PRKAR1B: variants seen among roughly 807,000 people sequenced by gnomAD.
PRKAR1B encodes cAMP-dependent protein kinase type I-beta regulatory subunit.
A neutral mutation model predicts 46.5 loss-of-function variants in PRKAR1B; 22 were observed. That is an observed-to-expected ratio of 0.47 (90% CI 0.34 to 0.68). PRKAR1B has a LOEUF of 0.68. Among genes scored for constraint, PRKAR1B ranks in the 30% least tolerant of loss-of-function variants. PRKAR1B has a pLI of 0.01. For synonymous variants in PRKAR1B, 259 were observed against 217.7 expected (o/e 1.19, Z -1.67); for missense variants, 445 against 535.6 (o/e 0.83, Z 1.67).
chr7:705,013 CG>C, intron 2 of PRKAR1B, among the ~76,000 whole-genome samples: 1 of 151,960 alleles, frequency 6.6e-6, no homozygotes, highest in Non-Finnish European at 1.5e-5. Flanking sequence ...ACTTTAGGGC[CG>C]GGCGCAGTGG....
At chr7:650,800 G>A (rs1196152094) in intron 4 of PRKAR1B, among the ~76,000 whole-genome samples, 1 of 152,056 alleles carries the variant, frequency 6.6e-6, no homozygotes, top group Admixed American at 6.6e-5. Context: ...CCAAGGTCAC[G>A]TGGCCAGCAG....
chr7:574,307 G>A (rs1356905658), intron 9 of PRKAR1B, among the ~76,000 whole-genome samples: 1 of 152,280 alleles, frequency 6.6e-6, no homozygotes, highest in Admixed American at 6.5e-5. Flanking sequence ...GAGCAGGGCA[G>A]GGCAGGGGCT....
intron 8 of PRKAR1B, 24 bp from the exon 9 acceptor site, chr7:579,401 G>C: frequency 6.2e-7 from 1 of 1,611,102 alleles, no homozygotes; most frequent in Non-Finnish European, 8.5e-7. Flanking sequence ...ATGAGGACAG[G>C]TCATCCCGGG....
intron 1 of PRKAR1B, among the ~76,000 whole-genome samples, chr7:711,823 G>C (rs1042765011): frequency 6.6e-6 from 1 of 151,926 alleles, no homozygotes; most frequent in Non-Finnish European, 1.5e-5. Flanking sequence ...CAGTTCTGAG[G>C]ATTCCGGGTG....
chr7:695,716 T>G (rs1041221497), intron 2 of PRKAR1B, among the ~76,000 whole-genome samples: 1 of 151,706 alleles, frequency 6.6e-6, no homozygotes, highest in Non-Finnish European at 1.5e-5. Context: ...CAGGCTGGAG[T>G]GTAGTGGCGT....
At chr7:637,099 C>G (rs1014154374) in intron 4 of PRKAR1B, among the ~76,000 whole-genome samples, 1 of 151,786 alleles carries the variant, frequency 6.6e-6, no homozygotes, top group Non-Finnish European at 1.5e-5. Flanking sequence ...CAGCCTGGGC[C>G]ACACCGCGAA....
At chr7:587,135 G>C (rs925903061) in intron 7 of PRKAR1B, among the ~76,000 whole-genome samples, 2 of 152,116 alleles carry the variant, frequency 1.3e-5, no homozygotes, top group Non-Finnish European at 2.9e-5. Context: ...ATGTAGGAAG[G>C]AGATGTCAGG....
chr7:571,809 C>T (rs892259197), intron 9 of PRKAR1B, among the ~76,000 whole-genome samples: 4 of 152,204 alleles, frequency 2.6e-5, no homozygotes, highest in Admixed American at 1.3e-4. Context: ...CACCCAGCCC[C>T]GGCCGAATGC....
rs151148900 is a variant in PRKAR1B, at chr7:593,058, G to T, written c.708+3088C>A. Among the ~76,000 whole-genome samples, 776 of 152,272 alleles carry T rather than the reference G, an allele frequency of 5.1e-3. 3 individuals are homozygous for T. The highest frequency in any genetic ancestry group is 0.018 in the African/African-American group (731 of 41,564). ...CAAAAAAATTAAAAAAAACAAAAAG[G>T]TAAGAAAGAAAAAGCAAGTCTGGGG... On this transcript the variant is annotated intron_variant, in intron 7 of 10. Transcript: ENST00000537384. This position sits in a 1 kb window ranked among gnomAD's most constrained non-coding sequence, Gnocchi z 6.1.
intron 4 of PRKAR1B, among the ~76,000 whole-genome samples, chr7:654,856 T>G (rs572078184): frequency 6.6e-6 from 1 of 152,192 alleles, no homozygotes; most frequent in South Asian, 2.1e-4. Flanking sequence ...CCACCAACAC[T>G]CATTATCACC....
chr7:611,972 C>A (rs981518139), intron 4 of PRKAR1B, among the ~76,000 whole-genome samples: 1 of 123,822 alleles, frequency 8.1e-6, no homozygotes, highest in Non-Finnish European at 1.6e-5. Context: ...AGTAGATCAA[C>A]GGATGGATGG....
chr7:706,195 G>A (rs1780314152), intron 2 of PRKAR1B, among the ~76,000 whole-genome samples: 1 of 151,928 alleles, frequency 6.6e-6, no homozygotes, highest in Non-Finnish European at 1.5e-5. Flanking sequence ...GCATGGTGGT[G>A]GGCACCGGTA....
intron 4 of PRKAR1B, among the ~76,000 whole-genome samples, chr7:618,910 T>A (rs1335141623): frequency 6.6e-6 from 1 of 152,212 alleles, no homozygotes; most frequent in Non-Finnish European, 1.5e-5. Context: ...TCATCTGATG[T>A]AACCTCTTTT....
intron 2 of PRKAR1B, among the ~76,000 whole-genome samples, chr7:709,621 C>T (rs1229951112): frequency 6.6e-6 from 1 of 152,124 alleles, no homozygotes; most frequent in Non-Finnish European, 1.5e-5. Flanking sequence ...CTGCCCACCT[C>T]AGCCTCCCAA....
chr7:550,130 G>A lies in PRKAR1B; in HGVS notation c.*300C>T. ...CAAGCATCTCCAGGAGACTGGCAGGGGTGGGGTGGGCCCCCCAGGAGAAGC... is the reference window on the plus strand; with the variant it reads ...CAAGCATCTCCAGGAGACTGGCAGGAGTGGGGTGGGCCCCCCAGGAGAAGC... On this transcript the variant is annotated 3_prime_UTR_variant, in exon 11 of 11. Coordinates refer to ENST00000537384, the MANE Select transcript of PRKAR1B (RefSeq NM_001164760.2). The A allele has an allele frequency of 2.5e-6, 1 of 398,500 alleles. No individual in the cohort carries two copies. Among genetic ancestry groups the A allele is most frequent in the Non-Finnish European group, 4.6e-6 (1 of 216,104 alleles). The allele number at this position is 398,500 out of a possible 1,614,324, so 24.7% of individuals were successfully genotyped here. A position where few individuals can be genotyped will look rare whatever the true frequency, so the allele number is the denominator to read the frequency against.
At position 680,569 on chromosome 7, in the gene PRKAR1B, G is replaced by A. The variant is rs1778614837; in HGVS notation, c.335C>T (p.Ser112Phe). The A allele has an allele frequency of 6.2e-7, 1 of 1,609,588 alleles. No individual in the cohort carries two copies. The highest frequency in any genetic ancestry group is 1.1e-5 in the South Asian group (1 of 90,990). The change falls in exon 3 of 11, where the codon TCC (serine) becomes TTC (phenylalanine). Residue 112 changes from serine to phenylalanine, a missense_variant. Coordinates refer to ENST00000537384, the MANE Select transcript of PRKAR1B (RefSeq NM_001164760.2). ...AEVYTEEDAV[S>F]YVRKVIPKDY... Reference sequence around the variant, plus strand: ...CGTGAGCCTCACCTTCCTGACGTAGGACACGGCGTCCTCCTCGGTGTACAC... The same window carrying A: ...CGTGAGCCTCACCTTCCTGACGTAGAACACGGCGTCCTCCTCGGTGTACAC...
Position 714,074 on chromosome 7 carries a change from C to A in PRKAR1B, c.-22-2547G>T, listed in dbSNP as rs893749388. 1.3e-5 allele frequency among the ~76,000 whole-genome samples: 2 copies of A among 152,164 alleles called. No individual in the cohort carries two copies. The highest frequency in any genetic ancestry group is 4.8e-5 in the African/African-American group (2 of 41,432). ...AGTACCATCACGTGCTCCCCGCGGC[C>A]CCTCCACTCCCTCCTCCTCCTCCTC... is the stretch of plus-strand genomic sequence containing the variant. On this transcript the variant is annotated intron_variant, in intron 1 of 10. Transcript: ENST00000537384. The surrounding 1 kb of genome is among the most constrained non-coding windows in gnomAD (Gnocchi z 4.3).
chr7:604,827 G>A (rs1309380210), intron 6 of PRKAR1B, among the ~76,000 whole-genome samples: 1 of 152,126 alleles, frequency 6.6e-6, no homozygotes, highest in Non-Finnish European at 1.5e-5. Flanking sequence ...AGAGTGCGGA[G>A]GCCACCTCCT....
intron 7 of PRKAR1B, among the ~76,000 whole-genome samples, chr7:586,341 C>T (rs13240925): frequency 0.59 from 88,988 of 151,810 alleles, 26,698 homozygotes; most frequent in East Asian, 0.84. Flanking sequence ...GCAACTAAGA[C>T]CACGATGAAT....
Sources: allele counts gnomAD v4.1 joint callset (sites outside exome capture counted in the v4.1 genomes callset), GRCh38; gene constraint gnomAD v4.1.1; non-coding constraint Gnocchi (gnomAD v3.1); transcripts MANE v1.5; gene names NCBI Gene and HGNC (gene_info 2026-07-23, HGNC 2026-07-21).